Variants in PTPRD observed in about 807,000 individuals in gnomAD.
PTPRD encodes protein tyrosine phosphatase receptor type D.
A neutral mutation model predicts 214.5 loss-of-function variants in PTPRD; 34 were observed. That is an observed-to-expected ratio of 0.16 (90% CI 0.12 to 0.21). PTPRD has a LOEUF of 0.21. Among genes scored for constraint, PTPRD ranks in the 10% least tolerant of loss-of-function variants. PTPRD has a pLI of 1.00. For missense variants in PTPRD, 2,545 were observed against 2,398.7 expected (o/e 1.06, Z -1.27); for synonymous variants, 1,128 against 845.7 (o/e 1.33, Z -5.79).
chr9:8,667,126 G>C (rs573858035), intron 12 of PTPRD, among the ~76,000 whole-genome samples: 219 of 152,254 alleles, frequency 1.4e-3, no homozygotes, highest in Non-Finnish European at 1.9e-3. Context: ...ATGACCTGAA[G>C]TCAGGAGTTC....
At chr9:9,137,055 C>A (rs193193127) in intron 10 of PTPRD, among the ~76,000 whole-genome samples, 209 of 152,152 alleles carry the variant, frequency 1.4e-3, no homozygotes, top group African/African-American at 4.8e-3. Context: ...TCACAAAAGC[C>A]CCACTTTACA....
At chr9:10,541,304 T>C (rs2059048976) in intron 2 of PTPRD, among the ~76,000 whole-genome samples, 1 of 152,168 alleles carries the variant, frequency 6.6e-6, no homozygotes, top group Non-Finnish European at 1.5e-5. Flanking sequence ...TCAGTTCCTG[T>C]CATTTCCACA....
In PTPRD at chr9:10,202,671, G is replaced by GAGATATATATATATATATATAT. The variant is rs376695815; in HGVS notation, c.-545+138291_-545+138292insATATATATATATATATATATCT. On this transcript the variant is annotated intron_variant, in intron 3 of 45. Transcript: ENST00000381196. ...GATGCCTACTTATAAAAATTATATG[G>GAGATATATATATATATATATAT]ATATATATATATATATATATATATA... 4.9e-4 allele frequency among the ~76,000 whole-genome samples: 55 copies of GAGATATATATATATATATATAT among 113,100 alleles called. 1 individual carries two copies. Among genetic ancestry groups the GAGATATATATATATATATATAT allele is most frequent in the African/African-American group, 1.7e-3 (49 of 28,182 alleles). 74.2% of individuals were successfully genotyped at this position (113,100 alleles called of 152,430 possible). A position where few individuals can be genotyped will look rare whatever the true frequency, so the allele number is the denominator to read the frequency against.
intron 9 of PTPRD, among the ~76,000 whole-genome samples, chr9:9,331,964 A>T (rs529690425): frequency 6.6e-6 from 1 of 152,126 alleles, no homozygotes; most frequent in East Asian, 1.9e-4. Context: ...CTTGAAGAAC[A>T]TCCCCCCACC....
chr9:8,477,631 G>C (rs954169523), intron 30 of PTPRD, among the ~76,000 whole-genome samples: 4 of 152,060 alleles, frequency 2.6e-5, no homozygotes, highest in Admixed American at 6.5e-5. Flanking sequence ...TGGCTTTACC[G>C]CTCCTTAAAT....
At chr9:8,376,877 T>G in intron 37 of PTPRD, 151 bp from the exon 38 acceptor site, 2 of 986,040 alleles carry the variant, frequency 2.0e-6, no homozygotes, top group Non-Finnish European at 3.0e-6. Flanking sequence ...CCAATATATG[T>G]AAATTACTGC....
chr9:10,359,796 T>A (rs2097343189), intron 2 of PTPRD, among the ~76,000 whole-genome samples: 1 of 152,196 alleles, frequency 6.6e-6, no homozygotes, highest in South Asian at 2.1e-4. Context: ...ATACTGTGAT[T>A]TTTATCAATG....
At chr9:9,610,840 A>C (rs1462844195) in intron 7 of PTPRD, among the ~76,000 whole-genome samples, 1 of 152,204 alleles carries the variant, frequency 6.6e-6, no homozygotes, top group Non-Finnish European at 1.5e-5. Flanking sequence ...AACAATATTT[A>C]TTAGTAAAAG....
chr9:8,890,962 A>G (rs1350336999), intron 11 of PTPRD, among the ~76,000 whole-genome samples: 1 of 152,104 alleles, frequency 6.6e-6, no homozygotes, highest in Non-Finnish European at 1.5e-5. Context: ...TTTTAGGATT[A>G]CTGATGAGGT....
At chr9:10,239,341 A>T (rs1219630794) in intron 3 of PTPRD, among the ~76,000 whole-genome samples, 1 of 152,026 alleles carries the variant, frequency 6.6e-6, no homozygotes, top group Non-Finnish European at 1.5e-5. Flanking sequence ...CTCATTAAAG[A>T]CATTCTATGT....
chr9:9,528,054 G>C (rs2074552183), intron 8 of PTPRD, among the ~76,000 whole-genome samples: 1 of 152,170 alleles, frequency 6.6e-6, no homozygotes, highest in Non-Finnish European at 1.5e-5. Flanking sequence ...GCAAGCAAAG[G>C]GAGACAATCC....
intron 10 of PTPRD, among the ~76,000 whole-genome samples, chr9:9,139,925 C>T (rs1377635637): frequency 6.6e-6 from 1 of 151,656 alleles, no homozygotes; most frequent in Non-Finnish European, 1.5e-5. Context: ...TTTGAAGAGT[C>T]CTAGTACCCT....
At chr9:9,226,409 T>C (rs1015225382) in intron 9 of PTPRD, among the ~76,000 whole-genome samples, 1 of 151,982 alleles carries the variant, frequency 6.6e-6, no homozygotes, top group Non-Finnish European at 1.5e-5. Flanking sequence ...GAAGACTCAC[T>C]TTTTCCTTAC....
intron 2 of PTPRD, among the ~76,000 whole-genome samples, chr9:10,570,691 C>T (rs146112020): frequency 1.6e-3 from 242 of 152,206 alleles, no homozygotes; most frequent in Admixed American, 2.6e-3. Flanking sequence ...TCAACTCCCT[C>T]CTTTGCCTGA....
At chr9:10,515,017 A>T (rs1021968950) in intron 2 of PTPRD, among the ~76,000 whole-genome samples, 1 of 152,190 alleles carries the variant, frequency 6.6e-6, no homozygotes, top group East Asian at 1.9e-4. Flanking sequence ...GATTGTTAGT[A>T]CTTAAAAAGT....
intron 3 of PTPRD, among the ~76,000 whole-genome samples, chr9:10,185,314 G>A (rs1260336450): frequency 6.6e-6 from 1 of 152,186 alleles, no homozygotes; most frequent in East Asian, 1.9e-4. Context: ...CTGAGCATGT[G>A]AAGCAATAAT....
chr9:10,178,867 C>T (rs1278202758), intron 3 of PTPRD, among the ~76,000 whole-genome samples: 2 of 151,748 alleles, frequency 1.3e-5, no homozygotes, highest in East Asian at 3.9e-4. Flanking sequence ...GATAAAATGT[C>T]CCGGTTGAAA....
intron 9 of PTPRD, among the ~76,000 whole-genome samples, chr9:9,390,326 T>C (rs190826247): frequency 3.9e-5 from 6 of 152,090 alleles, no homozygotes; most frequent in South Asian, 2.1e-4. Flanking sequence ...TGAGCAAAGA[T>C]TATGTGAATT....
rs879881642 is a variant in PTPRD, at chr9:10,418,498, C to CACACAT, written c.-599-77482_-599-77481insATGTGT. On this transcript the variant is annotated intron_variant, in intron 2 of 45. Coordinates refer to ENST00000381196, the MANE Select transcript of PTPRD (RefSeq NM_002839.4). ...ACACACACACACACACACACACACA[C>CACACAT]TTCATATCCTTCCTTCTGCTGTAAT... Among the ~76,000 whole-genome samples the CACACAT allele has an allele frequency of 9.0e-3, 1,276 of 141,596 alleles. 32 individuals carry two copies. The highest frequency in any genetic ancestry group is 0.032 in the African/African-American group (1,226 of 38,036). The allele number at this position is 141,596 out of a possible 152,430, so 92.9% of individuals were successfully genotyped here.
Sources: allele counts gnomAD v4.1 joint callset (sites outside exome capture counted in the v4.1 genomes callset), GRCh38; gene constraint gnomAD v4.1.1; transcripts MANE v1.5; gene names NCBI Gene and HGNC (gene_info 2026-07-23, HGNC 2026-07-21).